KCNH7: variants seen among roughly 807,000 people sequenced by gnomAD.
KCNH7 encodes the protein potassium voltage-gated channel subfamily H member 7, also known as voltage-gated inwardly rectifying potassium channel KCNH7.
KCNH7 carries 49 observed loss-of-function variants against 120.8 expected under a neutral mutation model. The observed-to-expected ratio is 0.41, with a 90% CI of 0.32 to 0.51. The LOEUF (loss-of-function observed/expected upper bound fraction) is 0.51, where lower values mean the gene tolerates loss of function less well. Ranked by LOEUF, KCNH7 falls within the 20% of genes least tolerant of loss-of-function variation. The pLI, the probability that KCNH7 is intolerant of heterozygous loss-of-function variation, is 0.38. For missense variants in KCNH7, 1,097 were observed against 1,446.6 expected (o/e 0.76, Z 3.92); for synonymous variants, 547 against 516.1 (o/e 1.06, Z -0.81).
At chr2:162,682,667 T>C (rs1685753070) in intron 2 of KCNH7, among the ~76,000 whole-genome samples, 1 of 151,836 alleles carries the variant, frequency 6.6e-6, no homozygotes. Context: ...TATACATGAT[T>C]TTACTTTCTT....
intron 3 of KCNH7, among the ~76,000 whole-genome samples, chr2:162,532,793 C>T (rs1208045607): frequency 6.6e-6 from 1 of 151,762 alleles, no homozygotes; most frequent in Non-Finnish European, 1.5e-5. Context: ...CTAGAAATAC[C>T]ATATCCCAAC....
Position 162,487,455 on chromosome 2 carries a change from T to C in KCNH7, c.1128+16988A>G, listed in dbSNP as rs74371629. Among the ~76,000 whole-genome samples, 455 of 152,182 alleles carry C rather than the reference T, an allele frequency of 3.0e-3. 1 individual carries two copies. The highest frequency in any genetic ancestry group is 5.1e-3 in the Non-Finnish European group (348 of 67,992). On this transcript the variant is annotated intron_variant, in intron 6 of 15. Transcript: ENST00000332142. Reference sequence around the variant, plus strand: ...TCAAGATTCTCAGGCTCCACTGATATATTTAATTTTGGTGGGGGGTGAGTG... The same window carrying C: ...TCAAGATTCTCAGGCTCCACTGATACATTTAATTTTGGTGGGGGGTGAGTG...
chr2:162,688,557 T>C (rs1002224610), intron 2 of KCNH7, among the ~76,000 whole-genome samples: 5 of 152,120 alleles, frequency 3.3e-5, no homozygotes, highest in Admixed American at 6.6e-5. Context: ...AATCATAACA[T>C]TGAAATCTGC....
At chr2:162,375,929 T>TA (rs1491506573) in intron 14 of KCNH7, among the ~76,000 whole-genome samples, 1 of 150,844 alleles carries the variant, frequency 6.6e-6, no homozygotes, top group African/African-American at 2.4e-5. Context: ...AAGAGGACTC[T>TA]TATACTGAGA....
intron 2 of KCNH7, among the ~76,000 whole-genome samples, chr2:162,542,922 G>T (rs1692361596): frequency 6.6e-6 from 1 of 151,968 alleles, no homozygotes; most frequent in South Asian, 2.1e-4. Flanking sequence ...GTTGTTTCCT[G>T]ACTTTTTAAT....
chr2:162,395,290 T>C (rs980749192), intron 11 of KCNH7, among the ~76,000 whole-genome samples: 7 of 151,934 alleles, frequency 4.6e-5, no homozygotes, highest in Middle Eastern at 3.4e-3. Context: ...GCATAACTAA[T>C]AGTACTGCAA....
chr2:162,782,561 C>G (rs972212426), intron 2 of KCNH7, among the ~76,000 whole-genome samples: 2 of 152,218 alleles, frequency 1.3e-5, no homozygotes, highest in East Asian at 3.9e-4. Context: ...GGAGACAAGA[C>G]CAGAGACCAA....
intron 6 of KCNH7, among the ~76,000 whole-genome samples, chr2:162,471,113 G>A (rs1232512717): frequency 2.6e-5 from 4 of 152,090 alleles, no homozygotes; most frequent in African/African-American, 9.6e-5. Flanking sequence ...CACTGCGGAG[G>A]GCCGCAGGGT....
At chr2:162,717,714 C>T (rs1687177578) in intron 2 of KCNH7, among the ~76,000 whole-genome samples, 1 of 152,056 alleles carries the variant, frequency 6.6e-6, no homozygotes, top group Admixed American at 6.6e-5. Context: ...TATTTATTTT[C>T]AGTTTCTTTC....
At chr2:162,640,587 A>G (rs1042438162) in intron 2 of KCNH7, among the ~76,000 whole-genome samples, 1 of 152,268 alleles carries the variant, frequency 6.6e-6, no homozygotes, top group Admixed American at 6.5e-5. Context: ...TAAAATGTAC[A>G]TCTACAAAAC....
intron 2 of KCNH7, among the ~76,000 whole-genome samples, chr2:162,637,729 C>A (rs1035177206): frequency 1.3e-5 from 2 of 151,682 alleles, no homozygotes; most frequent in African/African-American, 4.8e-5. Flanking sequence ...ATTAAAAAAA[C>A]AAAACAAAGA....
chr2:162,619,124 C>G (rs1290239528), intron 2 of KCNH7, among the ~76,000 whole-genome samples: 2 of 152,022 alleles, frequency 1.3e-5, no homozygotes, highest in African/African-American at 2.4e-5. Flanking sequence ...TACTTTTCAT[C>G]AATTGTGTGT....
chr2:162,803,060 C>A (rs1213359154), intron 2 of KCNH7, among the ~76,000 whole-genome samples: 2 of 151,664 alleles, frequency 1.3e-5, no homozygotes, highest in Non-Finnish European at 3.0e-5. Flanking sequence ...GAGGTTTCCC[C>A]AAGATTTCTA....
chr2:162,623,517 C>A (rs1041638336), intron 2 of KCNH7, among the ~76,000 whole-genome samples: 1 of 152,134 alleles, frequency 6.6e-6, no homozygotes, highest in Non-Finnish European at 1.5e-5. Flanking sequence ...CTATTAATAT[C>A]ATGGACACAC....
intron 2 of KCNH7, among the ~76,000 whole-genome samples, chr2:162,782,333 A>G (rs901219264): frequency 2.0e-5 from 3 of 152,258 alleles, no homozygotes; most frequent in African/African-American, 7.2e-5. Flanking sequence ...TAAGGGGCAC[A>G]GTTTTAAATA....
intron 2 of KCNH7, among the ~76,000 whole-genome samples, chr2:162,576,543 C>T (rs747320021): frequency 6.6e-6 from 1 of 152,026 alleles, no homozygotes; most frequent in Non-Finnish European, 1.5e-5. Flanking sequence ...TTTACCTAAT[C>T]TTAACATTTG....
In KCNH7 at chr2:162,836,517, C is replaced by G. The variant is rs762561599; in HGVS notation, c.307+20G>C. 6.3e-7 allele frequency: 1 copy of G among 1,592,236 alleles called. No homozygotes were observed. The highest frequency in any genetic ancestry group is 8.6e-7 in the Non-Finnish European group (1 of 1,161,014). On this transcript the variant is annotated intron_variant, in intron 2 of 15. Transcript: ENST00000332142. Reference sequence around the variant, plus strand: ...TTCAATGGGATCAAATAGAAGGAATCCTAAATAGAGGAATTTTACCATTTT... The same window carrying G: ...TTCAATGGGATCAAATAGAAGGAATGCTAAATAGAGGAATTTTACCATTTT...
chr2:162,487,987 C>T (rs984074277), intron 6 of KCNH7, among the ~76,000 whole-genome samples: 3 of 152,182 alleles, frequency 2.0e-5, no homozygotes, highest in African/African-American at 7.2e-5. Context: ...TTAGCTCACT[C>T]TCATTAGGCA....
intron 2 of KCNH7, among the ~76,000 whole-genome samples, chr2:162,548,789 T>C (rs1007561230): frequency 5.3e-5 from 8 of 152,226 alleles, no homozygotes; most frequent in Non-Finnish European, 8.8e-5. Context: ...ATGGATATGA[T>C]AGTGTTACCC....
Sources: gnomAD v4.1 joint callset for allele counts (sites outside exome capture counted in the v4.1 genomes callset) on GRCh38, gnomAD v4.1.1 for gene constraint, MANE v1.5 for transcripts, NCBI Gene and HGNC (gene_info 2026-07-23, HGNC 2026-07-21) for gene names.